KIF17: variants seen among roughly 807,000 people sequenced by gnomAD.
KIF17 encodes kinesin family member 17, also known as kinesin-like protein KIF17.
KIF17 carries 80 observed loss-of-function variants against 96.8 expected under a neutral mutation model. That is an observed-to-expected ratio of 0.83 (90% CI 0.69 to 1.00). The LOEUF is 1.00. Ranked by LOEUF, KIF17 falls within the 50% of genes least tolerant of loss-of-function variation. KIF17 has a pLI of 0.00. For missense variants in KIF17, 1,280 were observed against 1,372.9 expected (o/e 0.93, Z 1.07); for synonymous variants, 567 against 587.5 (o/e 0.97, Z 0.51).
rs568086031 is a variant in KIF17, at chr1:20,700,529, T to G, written c.1124-2041A>C. ...TGGGGGGAGCTGCAGCCTAGCAGAT[T>G]TGGGGGCCCATCGAGTTGACAGTGG... is the stretch of plus-strand genomic sequence containing the variant. On this transcript the variant is annotated intron_variant, in intron 5 of 14. Coordinates refer to ENST00000400463, the MANE Select transcript of KIF17 (RefSeq NM_001122819.3). The surrounding 1 kb of genome is among the most constrained non-coding windows in gnomAD (Gnocchi z 4.6). Among the ~76,000 whole-genome samples the G allele has an allele frequency of 9.9e-5, 15 of 152,164 alleles. No homozygotes were observed. Among genetic ancestry groups the G allele is most frequent in the Non-Finnish European group, 2.2e-4 (15 of 68,028 alleles).
At position 20,717,756 on chromosome 1, in the gene KIF17, G is replaced by C; in HGVS notation, c.-50C>G. 1 of 1,501,462 alleles carries C rather than the reference G, an allele frequency of 6.7e-7. No individual in the cohort carries two copies. The highest frequency in any genetic ancestry group is 8.8e-7 in the Non-Finnish European group (1 of 1,132,638). 93.0% of individuals were successfully genotyped at this position (1,501,462 alleles called of 1,614,324 possible). On this transcript the variant is annotated 5_prime_UTR_variant, in exon 1 of 15. Coordinates refer to ENST00000400463, the MANE Select transcript of KIF17 (RefSeq NM_001122819.3). ...ACCAGAGCTGACCCCCGCCCCGCCG[G>C]GGACTCCCAGCAGCCCGGGCCAAGG...
intron 5 of KIF17, 129 bp from the exon 6 acceptor site, chr1:20,698,617 C>A: frequency 1.5e-6 from 1 of 646,234 alleles, no homozygotes; most frequent in East Asian, 2.8e-5. Flanking sequence ...TTATTTCAAA[C>A]ACATCTCCAT....
At chr1:20,684,100 G>A (rs1000457130) in intron 10 of KIF17, among the ~76,000 whole-genome samples, 1 of 152,260 alleles carries the variant, frequency 6.6e-6, no homozygotes, top group Non-Finnish European at 1.5e-5. Flanking sequence ...GGCACAGAGA[G>A]GTTGCAAGTT....
Position 20,717,681 on chromosome 1 carries a change from A to G in KIF17, c.26T>C (p.Val9Ala), listed in dbSNP as rs1406373329. 11 of 1,599,506 alleles carry G rather than the reference A, an allele frequency of 6.9e-6. No individual in the cohort carries two copies. Among genetic ancestry groups the G allele is most frequent in the Non-Finnish European group, 9.3e-6 (11 of 1,177,952 alleles). The part of the protein sequence containing the change: MASEAVKV[V>A]VRCRPMNQRE... ...CTGGTTCATGGGACGGCAGCGCACG[A>G]CAACCTTCACCGCCTCGGAGGCCAT... Residue 9 changes from valine (V) to alanine (A), a missense_variant, in exon 1 of 15, where the codon GTC becomes GCC. Transcript: ENST00000400463.
At chr1:20,703,182 G>A (rs925314429) in intron 5 of KIF17, among the ~76,000 whole-genome samples, 7 of 151,714 alleles carry the variant, frequency 4.6e-5, no homozygotes, top group Non-Finnish European at 1.0e-4. Context: ...TGGATGAATG[G>A]ATGGACGGAT....
intron 13 of KIF17, 98 bp downstream of exon 13, chr1:20,670,323 A>G (rs1391862393): frequency 8.4e-7 from 1 of 1,191,382 alleles, no homozygotes. Flanking sequence ...GCGGGAGGAA[A>G]GTGGAAAACC....
At chr1:20,705,149 C>T (rs2054319872) in intron 4 of KIF17, among the ~76,000 whole-genome samples, 1 of 152,224 alleles carries the variant, frequency 6.6e-6, no homozygotes, top group Non-Finnish European at 1.5e-5. Context: ...GAACCCAGGG[C>T]AGGCTGTCTC....
rs112512288 is a variant in KIF17, at chr1:20,700,532, G to A, written c.1124-2044C>T. ...GGGGAGCTGCAGCCTAGCAGATTTG[G>A]GGGCCCATCGAGTTGACAGTGGGAT... On this transcript the variant is annotated intron_variant, in intron 5 of 14. Coordinates refer to ENST00000400463, the MANE Select transcript of KIF17 (RefSeq NM_001122819.3). The surrounding 1 kb of genome is among the most constrained non-coding windows in gnomAD (Gnocchi z 4.6). 6.8e-3 allele frequency among the ~76,000 whole-genome samples: 1,033 copies of A among 152,280 alleles called. 18 individuals carry two copies. The highest frequency in any genetic ancestry group is 0.024 in the African/African-American group (986 of 41,548).
intron 4 of KIF17, among the ~76,000 whole-genome samples, chr1:20,706,334 T>TA (rs930823752): frequency 1.3e-5 from 2 of 150,282 alleles, no homozygotes; most frequent in African/African-American, 4.9e-5. Flanking sequence ...CTCATGCCTG[T>TA]AATCCCAGCA....
Position 20,672,044 on chromosome 1 carries a change from A to G in KIF17, c.2616T>C (p.Cys872=), listed in dbSNP as rs771209522. Reference sequence around the variant, plus strand: ...GAATCTTCTCCAGGTTGCTGTAGTTACAGTCCCTGCGAATCAGGGGCTGCA... The same window carrying G: ...GAATCTTCTCCAGGTTGCTGTAGTTGCAGTCCCTGCGAATCAGGGGCTGCA... ...EQVQPLIRRD[C]NYSNLEKILR... Residue 872 remains cysteine (C), a synonymous_variant, in exon 12 of 15, where the codon TGT becomes TGC. Transcript: ENST00000400463. The surrounding 1 kb of genome is among the most constrained non-coding windows in gnomAD (Gnocchi z 4.3). The G allele has an allele frequency of 6.2e-7, 1 of 1,614,158 alleles. No individual in the cohort carries two copies. The highest frequency in any genetic ancestry group is 8.5e-7 in the Non-Finnish European group (1 of 1,180,030).
rs767131487 is a variant in KIF17 at position 20,717,710 on chromosome 1, GCCGCGC to G, written c.-10_-5del. 197 of 1,571,180 alleles carry G rather than the reference GCCGCGC, an allele frequency of 1.3e-4. No individual in the cohort carries two copies. Among genetic ancestry groups the G allele is most frequent in the Non-Finnish European group, 1.5e-4 (180 of 1,165,400 alleles). On this transcript the variant is annotated 5_prime_UTR_variant, in exon 1 of 15. Coordinates refer to ENST00000400463, the MANE Select transcript of KIF17 (RefSeq NM_001122819.3). ...CCTTCACCGCCTCGGAGGCCATGGC[GCCGCGC>G]CCAGGACCAACGGGACCAGAGCTGA...
chr1:20,662,702 A>T (rs1033066649), downstream of KIF17, among the ~76,000 whole-genome samples: 6 of 152,102 alleles, frequency 3.9e-5, no homozygotes, highest in African/African-American at 1.4e-4. Context: ...ACCTACACTC[A>T]TCTCAGCAGC....
At chr1:20,698,532 T>C (rs1336690714) in intron 5 of KIF17, 44 bp from the exon 6 acceptor site, 3 of 1,294,940 alleles carry the variant, frequency 2.3e-6, no homozygotes, top group Non-Finnish European at 3.3e-6. Context: ...AGGGGCACAT[T>C]GTGTGCAGGA....
At chr1:20,670,246 T>C (rs2053616410) in intron 13 of KIF17, among the ~76,000 whole-genome samples, 175 bp downstream of exon 13, 1 of 152,220 alleles carries the variant, frequency 6.6e-6, no homozygotes, top group East Asian at 1.9e-4. Flanking sequence ...CAGAGGGGGT[T>C]GAGGGTCTAG....
rs2053967958 is a variant in KIF17 at position 20,687,877 on chromosome 1, G to A, written c.1449C>T (p.Ser483=). 8 of 1,613,984 alleles carry A rather than the reference G, an allele frequency of 5.0e-6. No homozygotes were observed. The highest frequency in any genetic ancestry group is 6.8e-6 in the Non-Finnish European group (8 of 1,180,032). The change falls in exon 8 of 15, where the codon AGC becomes AGT. Residue 483 remains serine, a synonymous_variant. Coordinates refer to ENST00000400463, the MANE Select transcript of KIF17 (RefSeq NM_001122819.3). The surrounding 1 kb of genome is among the most constrained non-coding windows in gnomAD (Gnocchi z 4.4). ...EVMSRAEFAS[S]AEYPPAFQYE... is the part of the protein sequence containing the mutation. ...ACTGAAAAGCAGGCGGGTACTCAGC[G>A]CTGCTGGCAAACTCAGCCCTGGACA...
At chr1:20,688,055 G>GC in intron 7 of KIF17, 111 bp from the exon 8 acceptor site, 1 of 878,444 alleles carries the variant, frequency 1.1e-6, no homozygotes, top group Non-Finnish European at 1.8e-6. Context: ...TTTTTTTTTT[G>GC]TTTTTTTTTG....
chr1:20,698,786 G>C (rs1036019588), intron 5 of KIF17, among the ~76,000 whole-genome samples: 4 of 152,102 alleles, frequency 2.6e-5, no homozygotes, highest in Non-Finnish European at 5.9e-5. Context: ...GAAATGCCTC[G>C]TGGTGGTGTT....
rs115228567 is a variant in KIF17, at chr1:20,687,806, A to G, written c.1520T>C (p.Leu507Pro). Residue 507 changes from leucine (L) to proline (P), a missense_variant, in exon 8 of 15, where the codon CTG (leucine) becomes CCG (proline). By Grantham distance (98) the Leu-to-Pro change is moderately conservative (BLOSUM62 -3). Transcript: ENST00000400463. The surrounding 1 kb of genome is among the most constrained non-coding windows in gnomAD (Gnocchi z 4.4). ...AGTCTTGGAGACATCGTCACTGGGC[A>G]GAGTGTCAGTCGTGGAGAAGACCTT... is the stretch of plus-strand genomic sequence containing the variant. Reference protein sequence around the residue: ...KPKVFSTTDTLPSDDVSKTQV... With the variant: ...KPKVFSTTDTPPSDDVSKTQV... 3.7e-5 allele frequency: 60 copies of G among 1,614,188 alleles called. 1 individual carries two copies. The Middle Eastern group carries it at 4.9e-4, about 13-fold the overall frequency.
chr1:20,672,077 C>T lies in KIF17; in HGVS notation c.2583G>A (p.Leu861=). The T allele has an allele frequency of 6.2e-7, 1 of 1,614,200 alleles. No individual in the cohort carries two copies. Among genetic ancestry groups the T allele is most frequent in the Non-Finnish European group, 8.5e-7 (1 of 1,180,032 alleles). Residue 861 remains leucine, a synonymous_variant, in exon 12 of 15, where the codon CTG becomes CTA. Transcript: ENST00000400463. The surrounding 1 kb of genome is among the most constrained non-coding windows in gnomAD (Gnocchi z 4.3). ...TGCGAATCAGGGGCTGCACCTGCTC[C>T]AGGAGCTGCTGCAAGAGCATGGAGT... The part of the protein sequence containing the change: ...ERDSMLLQQL[L]EQVQPLIRRD...
Sources: allele counts gnomAD v4.1 joint callset (sites outside exome capture counted in the v4.1 genomes callset), GRCh38; gene constraint gnomAD v4.1.1; non-coding constraint Gnocchi (gnomAD v3.1); transcripts MANE v1.5; gene names NCBI Gene and HGNC (gene_info 2026-07-23, HGNC 2026-07-21).